The following TRIM66 variants were observed in gnomAD, a reference collection of about 807,000 sequenced individuals.
The protein encoded by TRIM66 is tripartite motif containing 66.
TRIM66 carries 99 observed loss-of-function variants against 148.2 expected under a neutral mutation model. That is an observed-to-expected ratio of 0.67 (90% CI 0.57 to 0.79). TRIM66 has a LOEUF of 0.79. TRIM66 is among the 30% of genes least tolerant of loss of function. TRIM66 has a pLI of 0.00. For synonymous variants in TRIM66, 616 were observed against 635.9 expected, an observed-to-expected ratio of 0.97 and a Z score of 0.47; for missense variants, 1,666 against 1,697.9, an observed-to-expected ratio of 0.98 and a Z score of 0.33.
intron 6 of TRIM66, among the ~76,000 whole-genome samples, chr11:8,655,679 G>A (rs2037765086): frequency 6.6e-6 from 1 of 152,080 alleles, no homozygotes. Context: ...AGCCTCGGGA[G>A]GCCAAGGCAG....
intron 15 of TRIM66, among the ~76,000 whole-genome samples, chr11:8,633,677 T>G (rs911707702): frequency 6.6e-6 from 1 of 152,162 alleles, no homozygotes; most frequent in Non-Finnish European, 1.5e-5. Context: ...GAGGAAAAGA[T>G]TGTCCCTGAG....
At chr11:8,682,254 G>A (rs1196467481) in intron 1 of TRIM66, among the ~76,000 whole-genome samples, 1 of 152,232 alleles carries the variant, frequency 6.6e-6, no homozygotes, top group Non-Finnish European at 1.5e-5. Flanking sequence ...AGGCATTTCG[G>A]GAGCCGCCCG....
Position 8,641,085 on chromosome 11 carries a change from C to T in TRIM66, c.1290G>A (p.Gly430=). ...ADAPAYGGLQ[G]SSPFYQSHQS... ...GGTGGCTTTGATAAAAGGGTGATGA[C>T]CCCTGTAAGCCTCCATAAGCAGGAG... The change falls in exon 14 of 25, where the codon GGG becomes GGA. Residue 430 remains glycine (G), a synonymous_variant. Coordinates refer to ENST00000646038, the MANE Select transcript of TRIM66 (RefSeq NM_001388022.1). The T allele has an allele frequency of 6.4e-7, 1 of 1,551,698 alleles. No homozygotes were observed. Among genetic ancestry groups the T allele is most frequent in the Non-Finnish European group, 8.7e-7 (1 of 1,146,986 alleles).
intron 6 of TRIM66, chr11:8,658,646 G>T: frequency 2.6e-6 from 1 of 389,498 alleles, no homozygotes; most frequent in Non-Finnish European, 3.5e-6. Context: ...GGCTCACGCA[G>T]CAGCGGTGCC....
rs1250311042 is a variant in TRIM66 at position 8,614,491 on chromosome 11, G to C, written c.*3453C>G. 6.6e-6 allele frequency: 1 copy of C among 152,642 alleles called. No individual in the cohort carries two copies. The highest frequency in any genetic ancestry group is 2.4e-5 in the African/African-American group (1 of 41,418). 9.5% of individuals were successfully genotyped at this position (152,642 alleles called of 1,614,324 possible). The stretch of plus-strand genomic sequence containing the variant: ...AGGAGAAAGTTAAAAGACAAGGAGA[G>C]GAGAGAGAGGGCTGAGGTCATGGAA... On this transcript the variant is annotated 3_prime_UTR_variant, in exon 25 of 25. Transcript: ENST00000646038.
At chr11:8,683,156 C>G (rs778843586), upstream of TRIM66, 1 of 1,574,666 alleles carries the variant, frequency 6.4e-7, no homozygotes, top group Non-Finnish European at 8.7e-7. Flanking sequence ...GCATCGCCCC[C>G]TGCCCCTAAT....
At chr11:8,656,981 C>T (rs1373772672) in intron 6 of TRIM66, among the ~76,000 whole-genome samples, 1 of 152,200 alleles carries the variant, frequency 6.6e-6, no homozygotes, top group Non-Finnish European at 1.5e-5. Context: ...CATGAGCAGG[C>T]CTAGAGTGCA....
rs1325911048 is a variant in TRIM66, at chr11:8,640,688, C to T, written c.1687G>A (p.Asp563Asn). 3.9e-6 allele frequency: 6 copies of T among 1,551,454 alleles called. No individual in the cohort carries two copies. In the African/African-American group the frequency reaches 8.2e-5, roughly 21 times the overall value. ...SQPVCIVPPQ[D>N]VQQGAHAQPT... is the part of the protein sequence containing the mutation. ...TGGGCATGGGCTCCTTGCTGAACAT[C>T]CTGTGGGGGGACAATGCACACGGGC... Residue 563 changes from aspartate (D) to asparagine (N), a missense_variant, in exon 14 of 25, where the codon GAT becomes AAT. Physicochemically the swap from Asp to Asn is conservative, Grantham distance 23. Around this residue, in one of 3 missense-constraint regions of TRIM66, gnomAD observed 1,431 missense variants for 1,412.4 expected, o/e 1.01. Transcript: ENST00000646038.
chr11:8,619,574 G>A (rs749413821), intron 22 of TRIM66, 39 bp from the exon 23 acceptor site: 41 of 1,484,178 alleles, frequency 2.8e-5, no homozygotes, highest in Non-Finnish European at 3.0e-5. Flanking sequence ...GGCAAAGGGA[G>A]TGAGAGAAGA....
chr11:8,649,385 T>C, intron 8 of TRIM66, among the ~76,000 whole-genome samples: 1 of 151,904 alleles, frequency 6.6e-6, no homozygotes. Flanking sequence ...TGGTGCTGGG[T>C]AGACAAACAA....
intron 15 of TRIM66, among the ~76,000 whole-genome samples, chr11:8,635,568 TTCC>T (rs2035802607): frequency 6.6e-6 from 1 of 152,138 alleles, no homozygotes; most frequent in African/African-American, 2.4e-5. Context: ...AATCCAAAGC[TTCC>T]TCTAAGCCAG....
At chr11:8,682,913 G>GAGT, upstream of TRIM66, 2 of 1,457,300 alleles carry the variant, frequency 1.4e-6, no homozygotes, top group Non-Finnish European at 9.3e-7. Flanking sequence ...CCATGGTCGG[G>GAGT]GCTTCCAGGC....
chr11:8,641,970 C>T (rs968322270), intron 13 of TRIM66, among the ~76,000 whole-genome samples: 2 of 152,158 alleles, frequency 1.3e-5, no homozygotes, highest in Non-Finnish European at 2.9e-5. Flanking sequence ...TCCTGTACAT[C>T]CTGCAGAATC....
chr11:8,643,631 C>T (rs562674411), intron 12 of TRIM66, among the ~76,000 whole-genome samples: 6 of 152,116 alleles, frequency 3.9e-5, no homozygotes, highest in African/African-American at 1.4e-4. Flanking sequence ...CGTGAGCCAC[C>T]GCACCTGGCC....
intron 12 of TRIM66, 146 bp downstream of exon 12, chr11:8,645,595 G>T: frequency 1.1e-6 from 1 of 949,152 alleles, no homozygotes. Context: ...GATTGAATTT[G>T]AAGGATGGAT....
At position 8,640,520 on chromosome 11, in the gene TRIM66, G is replaced by A. The variant is rs1230597027; in HGVS notation, c.1855C>T (p.Pro619Ser). The A allele has an allele frequency of 3.2e-6, 5 of 1,540,710 alleles. No individual in the cohort carries two copies. The highest frequency in any genetic ancestry group is 2.4e-5 in the South Asian group (2 of 83,624). Residue 619 changes from proline (P) to serine (S), a missense_variant, in exon 14 of 25, where the codon CCC becomes TCC. Transcript: ENST00000646038. ...LPHPPPPLPP[P>S]PQQPHPPLPP... Reference sequence around the variant, plus strand: ...AGAGGTGGGTGTGGCTGCTGTGGGGGAGGGGGAAGGGGAGGTGGGGGATGG... The same window carrying A: ...AGAGGTGGGTGTGGCTGCTGTGGGGAAGGGGGAAGGGGAGGTGGGGGATGG...
intron 15 of TRIM66, among the ~76,000 whole-genome samples, chr11:8,633,155 G>A (rs773862607): frequency 6.6e-6 from 1 of 152,066 alleles, no homozygotes; most frequent in Non-Finnish European, 1.5e-5. Flanking sequence ...ACTTAAAAAC[G>A]TTATTTTGAA....
At position 8,665,874 on chromosome 11, in the gene TRIM66, G is replaced by A. The variant is rs1185877755; in HGVS notation, c.340+5912C>T. Among the ~76,000 whole-genome samples the A allele has an allele frequency of 4.7e-5, 7 of 150,516 alleles. No individual in the cohort carries two copies. The South Asian group carries it at 6.3e-4, about 14-fold the overall frequency. Reference sequence around the variant, plus strand: ...TGAGGCAGGAGAATGGTGTGAACCCGGGAGGTGGAGTTTGCAGTGAGCCGA... The same window carrying A: ...TGAGGCAGGAGAATGGTGTGAACCCAGGAGGTGGAGTTTGCAGTGAGCCGA... On this transcript the variant is annotated intron_variant, in intron 6 of 24. Transcript: ENST00000646038.
intron 15 of TRIM66, 75 bp downstream of exon 15, chr11:8,638,579 C>A: frequency 1.3e-6 from 2 of 1,484,718 alleles, no homozygotes; most frequent in South Asian, 1.3e-5. Context: ...CCACCCTATC[C>A]TCCTCCTCCA....
Sources: allele counts gnomAD v4.1 joint callset (sites outside exome capture counted in the v4.1 genomes callset), GRCh38; gene constraint gnomAD v4.1.1; regional missense constraint gnomAD v4.1.1; transcripts MANE v1.5; gene names NCBI Gene and HGNC (gene_info 2026-07-23, HGNC 2026-07-21).